TTC6: variants seen among roughly 807,000 people sequenced by gnomAD.
TTC6 encodes tetratricopeptide repeat protein 6.
A neutral mutation model predicts 210.4 loss-of-function variants in TTC6; 172 were observed. The ratio of observed to expected loss-of-function variants is 0.82; its 90% CI spans 0.72 to 0.93. The LOEUF is 0.93. Among genes scored for constraint, TTC6 ranks in the 40% least tolerant of loss-of-function variants. The pLI, the probability that TTC6 is intolerant of heterozygous loss-of-function variation, is 0.00. For missense variants in TTC6, 2,414 were observed against 2,318.1 expected (o/e 1.04, Z -0.85); for synonymous variants, 804 against 819.6 (o/e 0.98, Z 0.32).
intron 2 of TTC6, 29 bp downstream of exon 4, chr14:37,680,290 C>A: frequency 7.2e-7 from 1 of 1,386,408 alleles, no homozygotes; most frequent in Non-Finnish European, 9.7e-7. Context: ...ATCCTCCTTG[C>A]CTCTGTTAAA....
intron 14 of TTC6, among the ~76,000 whole-genome samples, chr14:37,786,869 CATT>C (rs2096069002): frequency 6.6e-6 from 1 of 152,196 alleles, no homozygotes; most frequent in African/African-American, 2.4e-5. Context: ...ATATGCTTCA[CATT>C]ATTAACTAAT....
At chr14:37,723,003 TATG>T (rs749013743) in intron 6 of TTC6, among the ~76,000 whole-genome samples, 18 of 152,206 alleles carry the variant, frequency 1.2e-4, no homozygotes, top group Non-Finnish European at 2.5e-4. Context: ...TTTATATCAG[TATG>T]ATTTGTGAAT....
intron 4 of TTC6, among the ~76,000 whole-genome samples, chr14:37,697,245 TG>T (rs1341934648): frequency 6.6e-6 from 1 of 152,140 alleles, no homozygotes; most frequent in East Asian, 1.9e-4. Flanking sequence ...GCCATCTGCT[TG>T]GTAATTTAGA....
chr14:37,784,755 G>A (rs1460639607), intron 14 of TTC6, among the ~76,000 whole-genome samples: 1 of 152,178 alleles, frequency 6.6e-6, no homozygotes, highest in Non-Finnish European at 1.5e-5. Context: ...TGCAGTGGCT[G>A]GTACTGGTTG....
rs1312360866 is a variant in TTC6, at chr14:37,689,246, C to T, written c.1257+6282C>T. Among the ~76,000 whole-genome samples, 4 of 151,864 alleles carry T rather than the reference C, an allele frequency of 2.6e-5. No homozygotes were observed. The East Asian group carries it at 7.8e-4, about 29-fold the overall frequency. ...AAGGAATAATGAATTAGCTTAAAGA[C>T]AGGCTATTTGAAAATACACAGAGGA... is the stretch of plus-strand genomic sequence containing the variant. On this transcript the variant is annotated intron_variant, in intron 3 of 30. Coordinates refer to ENST00000553443, the Ensembl canonical transcript of TTC6.
At chr14:37,787,567 G>A (rs774141984) in exon 15 of TTC6, 48 of 1,529,314 alleles carry the variant, frequency 3.1e-5, no homozygotes, top group African/African-American at 9.6e-5. Context: ...ACTGGTTAGC[G>A]TTGTATTATC....
At chr14:37,664,002 A>G (rs918181546) in intron 1 of TTC6, among the ~76,000 whole-genome samples, 1 of 151,122 alleles carries the variant, frequency 6.6e-6, no homozygotes, top group Non-Finnish European at 1.5e-5. Flanking sequence ...GAAATCAGAG[A>G]TGACCCAAAC....
At position 37,790,704 on chromosome 14, in the gene TTC6, T is replaced by A. The variant is rs2096077350; in HGVS notation, c.3437-13T>A. 9 of 1,529,642 alleles carry A rather than the reference T, an allele frequency of 5.9e-6. No homozygotes were observed. The highest frequency in any genetic ancestry group is 7.0e-6 in the Non-Finnish European group (8 of 1,141,944). 94.8% of individuals were successfully genotyped at this position (1,529,642 alleles called of 1,614,324 possible). A position where few individuals can be genotyped will look rare whatever the true frequency, so the allele number is the denominator to read the frequency against. ...AGAACCTGAATGAAATACATTTTTT[T>A]AAACTTTTTAAGCACTCATAAATGA... is the stretch of plus-strand genomic sequence containing the variant. On this transcript the variant is annotated splice_polypyrimidine_tract_variant and intron_variant, in intron 15 of 30. Coordinates refer to ENST00000553443, the Ensembl canonical transcript of TTC6.
At chr14:37,722,942 A>G (rs560087561) in intron 6 of TTC6, among the ~76,000 whole-genome samples, 27 of 152,304 alleles carry the variant, frequency 1.8e-4, no homozygotes, top group Admixed American at 3.9e-4. Context: ...GAACTCTTCT[A>G]TATAGGAAGT....
chr14:37,825,098 T>C (rs1466626651), intron 27 of TTC6, among the ~76,000 whole-genome samples: 2 of 152,146 alleles, frequency 1.3e-5, no homozygotes, highest in South Asian at 2.1e-4. Flanking sequence ...CTGAGTTCTG[T>C]CCAGGGAAAG....
chr14:37,823,204 A>C (rs1451469433), intron 26 of TTC6, among the ~76,000 whole-genome samples: 3 of 152,152 alleles, frequency 2.0e-5, no homozygotes, highest in Non-Finnish European at 4.4e-5. Context: ...TCACAAGTTG[A>C]TAAATAAAAT....
intron 24 of TTC6, among the ~76,000 whole-genome samples, chr14:37,809,709 C>G (rs2139427018): frequency 6.6e-6 from 1 of 152,248 alleles, no homozygotes; most frequent in East Asian, 1.9e-4. Flanking sequence ...GGCCTGTGGG[C>G]TGCAGCAAAC....
chr14:37,837,371 G>T, intron 29 of TTC6: 3 of 454,758 alleles, frequency 6.6e-6, no homozygotes, highest in Non-Finnish European at 1.3e-5. Flanking sequence ...TCATTTCTGA[G>T]AACTGGGGGT....
At chr14:37,601,368 A>C (rs2095615275) in intron 1 of TTC6, among the ~76,000 whole-genome samples, 2 of 152,300 alleles carry the variant, frequency 1.3e-5, no homozygotes, top group South Asian at 2.1e-4. Flanking sequence ...GCCAGAGCAA[A>C]GCCTGTAGCA....
At chr14:37,612,597 A>C (rs911551377) in intron 2 of TTC6, among the ~76,000 whole-genome samples, 1 of 152,234 alleles carries the variant, frequency 6.6e-6, no homozygotes, top group African/African-American at 2.4e-5. Flanking sequence ...TCGTGATTTT[A>C]AGAATATTGA....
chr14:37,774,932 T>G (rs2096032388), intron 14 of TTC6, among the ~76,000 whole-genome samples: 1 of 152,162 alleles, frequency 6.6e-6, no homozygotes, highest in South Asian at 2.1e-4. Flanking sequence ...ATTGGACTAT[T>G]CAGGGTCAAT....
chr14:37,762,473 C>T (rs2095987395), intron 14 of TTC6, among the ~76,000 whole-genome samples: 1 of 152,166 alleles, frequency 6.6e-6, no homozygotes, highest in Non-Finnish European at 1.5e-5. Context: ...TCTCAAAATC[C>T]TCGCCAAATT....
intron 14 of TTC6, among the ~76,000 whole-genome samples, chr14:37,768,327 A>G (rs1235447972): frequency 2.0e-5 from 3 of 151,394 alleles, no homozygotes; most frequent in Admixed American, 6.6e-5. Flanking sequence ...GTTTTTTCCA[A>G]TTCTGTGAAG....
At chr14:37,817,645 A>G (rs2096145334) in exon 26 of TTC6, 3 of 1,613,880 alleles carry the variant, frequency 1.9e-6, no homozygotes, top group Non-Finnish European at 1.7e-6. Context: ...GCCATGTGCC[A>G]TCACAGGTAT....
Sources: gnomAD v4.1 joint callset for allele counts (sites outside exome capture counted in the v4.1 genomes callset) on GRCh38, gnomAD v4.1.1 for gene constraint, MANE v1.5 for transcripts, NCBI Gene and HGNC (gene_info 2026-07-23, HGNC 2026-07-21) for gene names.